The following DLGAP1 variants were observed in gnomAD, a reference collection of about 807,000 sequenced individuals.
The protein encoded by DLGAP1 is disks large-associated protein 1.
Under a neutral mutation model 90.8 loss-of-function variants are expected in DLGAP1, and 11 were observed. The ratio of observed to expected loss-of-function variants is 0.12; its 90% CI spans 0.08 to 0.20. DLGAP1 has a LOEUF of 0.20. Among genes scored for constraint, DLGAP1 ranks in the 10% least tolerant of loss-of-function variants. DLGAP1 has a pLI of 1.00. For synonymous variants in DLGAP1, 558 were observed against 540.7 expected, an observed-to-expected ratio of 1.03 and a Z score of -0.44; for missense variants, 1,050 against 1,333.8, an observed-to-expected ratio of 0.79 and a Z score of 3.31.
chr18:3,646,438 C>T (rs942892009), intron 7 of DLGAP1, among the ~76,000 whole-genome samples: 3 of 152,100 alleles, frequency 2.0e-5, no homozygotes, highest in Admixed American at 2.0e-4. Context: ...ACCCTCCATA[C>T]TTAAACCAAA....
Position 4,383,585 on chromosome 18 carries a change from A to AT in DLGAP1, c.-267+71420dup, listed in dbSNP as rs772774537. Among the ~76,000 whole-genome samples, 6 of 152,088 alleles carry AT rather than the reference A, an allele frequency of 3.9e-5. No homozygotes were observed. The highest frequency in any genetic ancestry group is 5.9e-5 in the Non-Finnish European group (4 of 68,000). On this transcript the variant is annotated intron_variant, in intron 1 of 12. Transcript: ENST00000315677. This position sits in a 1 kb window ranked among gnomAD's most constrained non-coding sequence, Gnocchi z 4.0. Reference sequence around the variant, plus strand: ...TAGACAAAACCGAGTATCCTTGCTCATTAAAAAAAAAGGGATGTTTACCTA... The same window carrying AT: ...TAGACAAAACCGAGTATCCTTGCTCATTTAAAAAAAAAGGGATGTTTACCTA...
rs147459085 is a variant in DLGAP1 at position 3,966,408 on chromosome 18, CA to C, written c.-73+38707del. ...TGTTATGATCTAATTCACCCTACCA[CA>C]AAATCACTCCAGCTGCTCAGTGGAG... is the stretch of plus-strand genomic sequence containing the variant. On this transcript the variant is annotated intron_variant, in intron 3 of 12. Transcript: ENST00000315677. 3.8e-3 allele frequency among the ~76,000 whole-genome samples: 584 copies of C among 152,156 alleles called. 1 individual carries two copies. Among genetic ancestry groups the C allele is most frequent in the African/African-American group, 0.013 (551 of 41,518 alleles).
Position 4,094,770 on chromosome 18 carries a change from G to C in DLGAP1, c.-159+56410C>G, listed in dbSNP as rs565316344. On this transcript the variant is annotated intron_variant, in intron 2 of 12. Transcript: ENST00000315677. ...GCGCCACCATGCCTGGCTAGTTTTTGCATTTTTAGTAGAGATGCGGTTTCA... is the reference window on the plus strand; with the variant it reads ...GCGCCACCATGCCTGGCTAGTTTTTCCATTTTTAGTAGAGATGCGGTTTCA... Among the ~76,000 whole-genome samples, 35 of 151,850 alleles carry C rather than the reference G, an allele frequency of 2.3e-4. No homozygotes were observed. In the South Asian group the frequency reaches 3.5e-3, roughly 15 times the overall value.
chr18:4,178,263 TA>T (rs1429281038), intron 1 of DLGAP1, among the ~76,000 whole-genome samples: 1 of 143,088 alleles, frequency 7.0e-6, no homozygotes, highest in East Asian at 2.0e-4. Flanking sequence ...ACATTAGAGA[TA>T]GGGGTCTCCA....
intron 7 of DLGAP1, chr18:3,655,837 T>C (rs1335818779): frequency 2.3e-6 from 1 of 436,068 alleles, no homozygotes; most frequent in African/African-American, 2.0e-5. Flanking sequence ...TCCGAGGCAG[T>C]CACATCAGGA....
chr18:3,615,431 T>C (rs1044180872), intron 7 of DLGAP1, among the ~76,000 whole-genome samples: 1 of 152,126 alleles, frequency 6.6e-6, no homozygotes, highest in Non-Finnish European at 1.5e-5. Context: ...ACGACCTTTT[T>C]TGAATTTCCA....
At chr18:3,761,144 GAT>G (rs2063944272) in intron 5 of DLGAP1, among the ~76,000 whole-genome samples, 1 of 152,088 alleles carries the variant, frequency 6.6e-6, no homozygotes, top group African/African-American at 2.4e-5. Flanking sequence ...TGGCATTAAG[GAT>G]AGTCACATTT....
At chr18:3,650,353 A>G (rs565727636) in intron 7 of DLGAP1, among the ~76,000 whole-genome samples, 2 of 152,046 alleles carry the variant, frequency 1.3e-5, no homozygotes, top group Admixed American at 6.6e-5. Flanking sequence ...TGAAACATTT[A>G]TATTTCATAG....
At chr18:3,667,290 G>C (rs2059918915) in intron 7 of DLGAP1, among the ~76,000 whole-genome samples, 2 of 152,060 alleles carry the variant, frequency 1.3e-5, no homozygotes, top group South Asian at 4.1e-4. Flanking sequence ...TGTTGGCCAG[G>C]CTGGTCTCAA....
At chr18:3,611,889 T>G (rs988467987) in intron 7 of DLGAP1, among the ~76,000 whole-genome samples, 1 of 152,192 alleles carries the variant, frequency 6.6e-6, no homozygotes, top group Non-Finnish European at 1.5e-5. Flanking sequence ...TTCAAGTACT[T>G]GAGAATTTAA....
At chr18:3,637,170 G>A (rs2058748784) in intron 7 of DLGAP1, among the ~76,000 whole-genome samples, 2 of 151,994 alleles carry the variant, frequency 1.3e-5, no homozygotes, top group South Asian at 4.2e-4. Flanking sequence ...TTTGATTGTT[G>A]TAAAATTTTG....
At chr18:4,406,270 G>A (rs1047390930) in intron 1 of DLGAP1, among the ~76,000 whole-genome samples, 2 of 152,196 alleles carry the variant, frequency 1.3e-5, no homozygotes, top group Non-Finnish European at 2.9e-5. Flanking sequence ...CTGTGATGCA[G>A]AAAGGGAGGG....
At chr18:4,186,052 A>T (rs551353781) in intron 1 of DLGAP1, among the ~76,000 whole-genome samples, 1 of 151,044 alleles carries the variant, frequency 6.6e-6, no homozygotes, top group African/African-American at 2.4e-5. Context: ...AGTTTTTTTC[A>T]TCTGCTTATT....
intron 1 of DLGAP1, among the ~76,000 whole-genome samples, chr18:4,452,132 C>T (rs989350111): frequency 6.6e-6 from 1 of 152,024 alleles, no homozygotes; most frequent in Non-Finnish European, 1.5e-5. Context: ...TTGGATGCTT[C>T]CTGAGAGGAA....
chr18:3,833,152 TC>T, intron 4 of DLGAP1, among the ~76,000 whole-genome samples: 3 of 986 alleles, frequency 3.0e-3, no homozygotes, highest in African/African-American at 0.011. Context: ...CTTCCTTCCT[TC>T]CTTCCTTCCT....
intron 7 of DLGAP1, among the ~76,000 whole-genome samples, chr18:3,629,654 A>G (rs2058450675): frequency 6.6e-6 from 1 of 152,172 alleles, no homozygotes; most frequent in Non-Finnish European, 1.5e-5. Context: ...CCTGGGCAAC[A>G]GAGTGAGACT....
chr18:3,898,766 C>T (rs1199229191), intron 3 of DLGAP1, among the ~76,000 whole-genome samples: 2 of 152,150 alleles, frequency 1.3e-5, no homozygotes, highest in East Asian at 3.9e-4. Flanking sequence ...CGCTTTCCAA[C>T]ATGAACTAGA....
intron 1 of DLGAP1, among the ~76,000 whole-genome samples, chr18:4,282,320 T>C (rs2079572963): frequency 6.8e-6 from 1 of 147,890 alleles, no homozygotes; most frequent in Admixed American, 6.9e-5. Context: ...GCCGAGATCG[T>C]GCCACTGCAT....
chr18:4,009,504 T>C (rs1256516808), intron 2 of DLGAP1, among the ~76,000 whole-genome samples: 1 of 152,172 alleles, frequency 6.6e-6, no homozygotes, highest in Non-Finnish European at 1.5e-5. Flanking sequence ...CCTGGTACTC[T>C]CCTAGATACT....
Sources: gnomAD v4.1 joint callset for allele counts (sites outside exome capture counted in the v4.1 genomes callset) on GRCh38, gnomAD v4.1.1 for gene constraint, Gnocchi (gnomAD v3.1) non-coding constraint, MANE v1.5 for transcripts, NCBI Gene and HGNC (gene_info 2026-07-23, HGNC 2026-07-21) for gene names.